CLEC12A: variants seen among roughly 807,000 people sequenced by gnomAD.
CLEC12A encodes the protein C-type lectin protein CLL-1.
A neutral mutation model predicts 26.5 loss-of-function variants in CLEC12A; 22 were observed. That is an observed-to-expected ratio of 0.83 (90% CI 0.59 to 1.19). The LOEUF is 1.19. Ranked by LOEUF, CLEC12A falls within the 50% of genes most tolerant of loss-of-function variation. The pLI, the probability that CLEC12A is intolerant of heterozygous loss-of-function variation, is 0.00. For synonymous variants in CLEC12A, 119 were observed against 101.9 expected, an observed-to-expected ratio of 1.17 and a Z score of -1.01; for missense variants, 353 against 315.6, an observed-to-expected ratio of 1.12 and a Z score of -0.90.
chr12:9,961,970 G>T (rs1281332103), intron 1 of CLEC12A, among the ~76,000 whole-genome samples: 1 of 152,146 alleles, frequency 6.6e-6, no homozygotes, highest in African/African-American at 2.4e-5. Context: ...AAGATTTAAA[G>T]GTGGGAGAAT....
chr12:9,959,899 C>G (rs1345824920), intron 1 of CLEC12A, among the ~76,000 whole-genome samples: 2 of 152,056 alleles, frequency 1.3e-5, no homozygotes. Flanking sequence ...TTTTTTCCTC[C>G]CCTGAAACAG....
chr12:9,993,386 A>T, intron 4 of CLEC12A: 5 of 678,588 alleles, frequency 7.4e-6, no homozygotes, highest in African/African-American at 2.8e-5. Context: ...ATAGAGACTG[A>T]GGAAAATAGG....
intron 1 of CLEC12A, among the ~76,000 whole-genome samples, chr12:9,975,855 C>G (rs552130327): frequency 6.6e-6 from 1 of 152,296 alleles, no homozygotes; most frequent in South Asian, 2.1e-4. Context: ...TGTGTGCAGT[C>G]TAGGAACTTG....
chr12:9,969,377 T>A (rs562839), upstream of CLEC12A, among the ~76,000 whole-genome samples: 87,174 of 151,950 alleles, frequency 0.57, 25,355 homozygotes, highest in South Asian at 0.72. Flanking sequence ...TACAACTATT[T>A]TGTATCAATA....
intron 1 of CLEC12A, among the ~76,000 whole-genome samples, chr12:9,960,496 C>T (rs952600681): frequency 6.6e-6 from 1 of 152,122 alleles, no homozygotes; most frequent in African/African-American, 2.4e-5. Flanking sequence ...AATAAAAGTA[C>T]CCAGATCATA....
downstream of CLEC12A, chr12:9,996,920 T>A: frequency 6.2e-7 from 1 of 1,614,148 alleles, no homozygotes; most frequent in Non-Finnish European, 8.5e-7. Context: ...TCTTCCCATG[T>A]TAAGTTGTGC....
At chr12:10,000,820 T>C in the CLEC12A span, among the ~76,000 whole-genome samples, 1 of 152,250 alleles carries the variant, frequency 6.6e-6, no homozygotes, top group African/African-American at 2.4e-5. Flanking sequence ...CATCAGCAAG[T>C]CCTGAGGCTA....
chr12:9,999,439 C>T (rs1228835752), downstream of CLEC12A: 1 of 189,862 alleles, frequency 5.3e-6, no homozygotes, highest in Non-Finnish European at 1.1e-5. Flanking sequence ...AACAAAAGTT[C>T]ATGCTTTATC....
At chr12:9,974,992 AGAG>A (rs1437554687) in intron 1 of CLEC12A, among the ~76,000 whole-genome samples, 1 of 152,160 alleles carries the variant, frequency 6.6e-6, no homozygotes, top group Non-Finnish European at 1.5e-5. Flanking sequence ...GGTTTTATAA[AGAG>A]GAGTTTTCCT....
chr12:9,980,259 C>T (rs915188686), intron 3 of CLEC12A, among the ~76,000 whole-genome samples: 3 of 151,538 alleles, frequency 2.0e-5, no homozygotes, highest in South Asian at 2.1e-4. Flanking sequence ...ATATAAGGAA[C>T]TAGAATACAG....
At chr12:9,977,659 T>C (rs1232567241) in intron 1 of CLEC12A, among the ~76,000 whole-genome samples, 1 of 152,206 alleles carries the variant, frequency 6.6e-6, no homozygotes, top group Non-Finnish European at 1.5e-5. Flanking sequence ...TTTAAATCTC[T>C]GCACAACATC....
chr12:9,995,334 A>G (rs1865015352), exon 5 of CLEC12A: 2 of 1,098,216 alleles, frequency 1.8e-6, no homozygotes, highest in Admixed American at 1.7e-5. Flanking sequence ...GACGTTGGAC[A>G]AAAAATGTTG....
chr12:10,004,107 G>T, the CLEC12A span, among the ~76,000 whole-genome samples: 45 of 152,110 alleles, frequency 3.0e-4, no homozygotes, highest in African/African-American at 1.1e-3. Flanking sequence ...GCATGCAGAC[G>T]GGCAGGTGCA....
chr12:9,970,423 A>G (rs983889951), upstream of CLEC12A, among the ~76,000 whole-genome samples: 1 of 152,210 alleles, frequency 6.6e-6, no homozygotes, highest in Non-Finnish European at 1.5e-5. Flanking sequence ...TCTCTTTCAT[A>G]TGTATAATAA....
rs7298735 is a variant in CLEC12A at position 9,983,484 on chromosome 12, G to A, written c.641+1355G>A. 6.1e-4 allele frequency: 422 copies of A among 693,802 alleles called. 3 individuals are homozygous for A. In the African/African-American group the frequency reaches 6.7e-3, roughly 11 times the overall value. 43.0% of individuals were successfully genotyped at this position (693,802 alleles called of 1,614,324 possible). A position where few individuals can be genotyped will look rare whatever the true frequency, so the allele number is the denominator to read the frequency against. The stretch of plus-strand genomic sequence containing the variant: ...AAAAGTCTTTACATATAAAAATAGT[G>A]GCAAATTCCATTTGTATTTTTTAAT... On this transcript the variant is annotated intron_variant, in intron 5 of 5. Coordinates refer to ENST00000304361, the MANE Select transcript of CLEC12A (RefSeq NM_138337.6).
At chr12:9,955,595 G>A (rs186561028) in intron 1 of CLEC12A, among the ~76,000 whole-genome samples, 29 of 152,326 alleles carry the variant, frequency 1.9e-4, no homozygotes, top group African/African-American at 7.0e-4. Flanking sequence ...ATGCTCATGA[G>A]ATGTGTGGGT....
At chr12:10,005,065 T>C in the CLEC12A span, among the ~76,000 whole-genome samples, 2 of 152,118 alleles carry the variant, frequency 1.3e-5, no homozygotes, top group Non-Finnish European at 2.9e-5. Flanking sequence ...ATATCTACTA[T>C]TGTACTTTCC....
At chr12:10,004,580 TCTC>T in the CLEC12A span, among the ~76,000 whole-genome samples, 2 of 151,754 alleles carry the variant, frequency 1.3e-5, no homozygotes, top group Non-Finnish European at 2.9e-5. Context: ...TGTCTTCTCA[TCTC>T]CTCGTCTGCT....
chr12:9,988,309 G>T (rs12812001), downstream of CLEC12A, among the ~76,000 whole-genome samples: 10,200 of 152,130 alleles, frequency 0.067, 416 homozygotes, highest in Middle Eastern at 0.092. Flanking sequence ...CATGGGCAAG[G>T]ACTTCATGTC....
Sources: allele counts gnomAD v4.1 joint callset (sites outside exome capture counted in the v4.1 genomes callset), GRCh38; gene constraint gnomAD v4.1.1; transcripts MANE v1.5; gene names NCBI Gene and HGNC (gene_info 2026-07-23, HGNC 2026-07-21).